SNAPC5: variants seen among roughly 807,000 people sequenced by gnomAD.
SNAPC5 encodes the protein snRNA-activating protein complex subunit 5.
SNAPC5 carries 12 observed loss-of-function variants against 9.1 expected under a neutral mutation model. That is an observed-to-expected ratio of 1.32 (90% CI 0.85 to 2.15). The LOEUF (loss-of-function observed/expected upper bound fraction) is 2.15, where lower values mean the gene tolerates loss of function less well. Ranked by LOEUF, SNAPC5 falls within the 30% of genes most tolerant of loss-of-function variation. The probability of loss-of-function intolerance (pLI) is 0.00; values close to 1 mark genes in which losing one functional copy is unlikely to be tolerated. For synonymous variants in SNAPC5, 52 were observed against 47.3 expected (o/e 1.10, Z -0.41); for missense variants, 132 against 114.4 (o/e 1.15, Z -0.70).
rs1893494404 is a variant in SNAPC5 at position 66,497,750 on chromosome 15, C to G, written c.-19G>C. ...TCAGCATGTTGCCTGGTCACATAGC[C>G]AACCTCCGGGCTGCTGTCGGCCCGG... On this transcript the variant is annotated 5_prime_UTR_variant, in exon 1 of 3. Coordinates refer to ENST00000316634, the MANE Select transcript of SNAPC5 (RefSeq NM_001329615.2). 2 of 1,598,430 alleles carry G rather than the reference C, an allele frequency of 1.3e-6. No individual in the cohort carries two copies. The highest frequency in any genetic ancestry group is 3.4e-5 in the Admixed American group (2 of 59,532).
chr15:66,494,811 C>T (rs1237246970), intron 2 of SNAPC5: 3 of 419,554 alleles, frequency 7.2e-6, no homozygotes, highest in Admixed American at 4.1e-5. Flanking sequence ...TGCCAACTTA[C>T]ATGTGCTGCT....
At chr15:66,490,077 T>C, downstream of SNAPC5, 1 of 538,318 alleles carries the variant, frequency 1.9e-6, no homozygotes, top group African/African-American at 1.9e-5. Context: ...TCATCTTACA[T>C]TCAGCCTCCT....
chr15:66,497,415 T>C lies in SNAPC5; in HGVS notation c.90+227A>G, dbSNP rs560285940. ...AAACACAGATCCCTGAGCCTCACCC[T>C]AGACTTGCGAGGTCACGATTCTGAA... On this transcript the variant is annotated intron_variant, in intron 1 of 2. Transcript: ENST00000316634. The C allele has an allele frequency of 7.2e-5, 44 of 607,356 alleles. No homozygotes were observed. In the African/African-American group the frequency reaches 7.8e-4, roughly 11 times the overall value. 37.6% of individuals were successfully genotyped at this position (607,356 alleles called of 1,614,324 possible).
downstream of SNAPC5, chr15:66,490,068 C>T (rs1177268599): frequency 5.5e-6 from 3 of 547,692 alleles, no homozygotes; most frequent in Admixed American, 3.1e-5. Flanking sequence ...CTGACTGCCT[C>T]ATCTTACATT....
intron 2 of SNAPC5, 131 bp downstream of exon 2, chr15:66,495,199 A>G (rs1318113960): frequency 2.7e-6 from 2 of 728,080 alleles, no homozygotes; most frequent in Non-Finnish European, 5.0e-6. Context: ...AAACCAGAAA[A>G]CTGTTATCAG....
intron 2 of SNAPC5, 81 bp from the exon 3 acceptor site, chr15:66,494,633 C>T: frequency 1.0e-6 from 1 of 989,194 alleles, no homozygotes. Flanking sequence ...GACTTAAAAT[C>T]AGATCTCAAT....
chr15:66,497,433 A>G, intron 1 of SNAPC5: 1 of 613,176 alleles, frequency 1.6e-6, no homozygotes, highest in South Asian at 1.9e-5. Flanking sequence ...CGAGGTCACG[A>G]TTCTGAAAGA....
At chr15:66,489,924 C>G (rs1893188167), downstream of SNAPC5, 5 of 738,540 alleles carry the variant, frequency 6.8e-6, no homozygotes, top group Non-Finnish European at 1.2e-5. Flanking sequence ...CCTTTGCTCT[C>G]CCATCAGTTT....
chr15:66,497,453 A>G (rs1328289581), intron 1 of SNAPC5, 189 bp downstream of exon 1: 9 of 632,864 alleles, frequency 1.4e-5, no homozygotes, highest in Admixed American at 1.0e-4. Context: ...ATAGGGCCTA[A>G]GAAGCGCACA....
downstream of SNAPC5, chr15:66,490,440 C>T (rs769726899): frequency 1.9e-5 from 23 of 1,217,490 alleles, no homozygotes; most frequent in African/African-American, 2.8e-4. Flanking sequence ...ATTTTCCTTC[C>T]TGGTGGGTTT....
At chr15:66,496,192 C>T (rs1893427737) in intron 1 of SNAPC5, among the ~76,000 whole-genome samples, 1 of 145,080 alleles carries the variant, frequency 6.9e-6, no homozygotes, top group South Asian at 2.2e-4. Flanking sequence ...AGGGCCGAGC[C>T]CAGTGGCTCA....
chr15:66,496,102 T>TTG (rs1292241331), intron 1 of SNAPC5, among the ~76,000 whole-genome samples: 4 of 152,038 alleles, frequency 2.6e-5, no homozygotes, highest in African/African-American at 9.7e-5. Flanking sequence ...GATTTTGATA[T>TTG]GTCACAGGTG....
downstream of SNAPC5, chr15:66,490,165 C>T: frequency 1.9e-6 from 1 of 513,592 alleles, no homozygotes. Context: ...ATCTGGACAG[C>T]CATAGACGGT....
chr15:66,495,044 A>G, intron 2 of SNAPC5: 1 of 439,706 alleles, frequency 2.3e-6, no homozygotes, highest in South Asian at 2.7e-5. Flanking sequence ...GTCCTACAAA[A>G]ATCTCCACTC....
intron 1 of SNAPC5, 159 bp downstream of exon 1, chr15:66,497,483 C>G: frequency 2.8e-6 from 2 of 702,306 alleles, no homozygotes; most frequent in Non-Finnish European, 5.2e-6. Flanking sequence ...CCAGGTGATT[C>G]AGATACCTGT....
chr15:66,490,107 T>C (rs1224248054), downstream of SNAPC5: 5 of 524,500 alleles, frequency 9.5e-6, no homozygotes, highest in Non-Finnish European at 1.7e-5. Flanking sequence ...ACTCTCCGCC[T>C]GCTGTCTCGT....
In SNAPC5 at chr15:66,497,648, G is replaced by C. The variant is rs1381750992; in HGVS notation, c.84C>G (p.Arg28=). 3 of 1,614,022 alleles carry C rather than the reference G, an allele frequency of 1.9e-6. No individual in the cohort carries two copies. In the East Asian group the frequency reaches 6.7e-5, roughly 36 times the overall value. ...LKAALHDQLN[R]LKVEELALQS... ...GAGAGGGCCGCGGGGTCACCTTGAGGCGGTTCAGCTGGTCGTGCAGGGCTG... is the reference window on the plus strand; with the variant it reads ...GAGAGGGCCGCGGGGTCACCTTGAGCCGGTTCAGCTGGTCGTGCAGGGCTG... Residue 28 remains arginine (R), a synonymous_variant, in exon 1 of 3, where the codon CGC becomes CGG. Transcript: ENST00000316634.
downstream of SNAPC5, chr15:66,491,076 T>A: frequency 2.9e-6 from 1 of 350,594 alleles, no homozygotes; most frequent in Non-Finnish European, 5.3e-6. Flanking sequence ...TGAAGCATGC[T>A]TTGCTGCTAT....
chr15:66,492,265 C>A, downstream of SNAPC5: 1 of 270,506 alleles, frequency 3.7e-6, no homozygotes, highest in East Asian at 1.1e-4. Flanking sequence ...AAACTAAAGC[C>A]AACATATATA....
Sources: allele counts gnomAD v4.1 joint callset (sites outside exome capture counted in the v4.1 genomes callset), GRCh38; gene constraint gnomAD v4.1.1; transcripts MANE v1.5; gene names NCBI Gene and HGNC (gene_info 2026-07-23, HGNC 2026-07-21).